Variants in FOXJ3 observed in about 807,000 individuals in gnomAD.
FOXJ3 encodes the protein forkhead box J3.
FOXJ3 carries 22 observed loss-of-function variants against 76.1 expected under a neutral mutation model. The observed-to-expected ratio is 0.29, with a 90% CI of 0.21 to 0.41. The LOEUF (loss-of-function observed/expected upper bound fraction) is 0.41, where lower values mean the gene tolerates loss of function less well. Ranked by LOEUF, FOXJ3 falls within the 10% of genes least tolerant of loss-of-function variation. FOXJ3 has a pLI of 1.00. For missense variants in FOXJ3, 613 were observed against 762.1 expected (o/e 0.80, Z 2.30); for synonymous variants, 269 against 261.2 (o/e 1.03, Z -0.29).
In FOXJ3 at chr1:42,293,374, T is replaced by C. The variant is rs147931204; in HGVS notation, c.45-14702A>G. 7.1e-3 allele frequency among the ~76,000 whole-genome samples: 1,080 copies of C among 151,878 alleles called. 21 individuals are homozygous for C. Among genetic ancestry groups the C allele is most frequent in the African/African-American group, 0.025 (1,043 of 41,462 alleles). On this transcript the variant is annotated intron_variant, in intron 2 of 12. Coordinates refer to ENST00000361346, the MANE Select transcript of FOXJ3 (RefSeq NM_014947.5). ...CCCAGTTTTAAAATGTACAAAAAAT[T>C]TAAACAAGGACATACAAACCCCAAT... is the stretch of plus-strand genomic sequence containing the variant.
chr1:42,324,263 CATAT>C (rs1022097274), intron 1 of FOXJ3, among the ~76,000 whole-genome samples: 28 of 115,844 alleles, frequency 2.4e-4, no homozygotes, highest in African/African-American at 8.3e-4. Flanking sequence ...TATATATACA[CATAT>C]ATACACTATA....
chr1:42,320,041 C>T (rs1025665713), intron 1 of FOXJ3, among the ~76,000 whole-genome samples: 6 of 152,096 alleles, frequency 3.9e-5, no homozygotes, highest in Non-Finnish European at 8.8e-5. Context: ...TCGACTACTT[C>T]GGCTATACTC....
intron 11 of FOXJ3, among the ~76,000 whole-genome samples, chr1:42,184,362 T>C (rs1368238569): frequency 6.6e-6 from 1 of 152,114 alleles, no homozygotes; most frequent in Non-Finnish European, 1.5e-5. Flanking sequence ...GGAGAAAGAA[T>C]TACAGGATTA....
intron 5 of FOXJ3, among the ~76,000 whole-genome samples, chr1:42,219,118 A>G (rs1054314695): frequency 6.6e-6 from 1 of 152,194 alleles, no homozygotes; most frequent in Non-Finnish European, 1.5e-5. Context: ...GTTTCCTGTG[A>G]TCAACTATGG....
chr1:42,323,585 GTCA>G (rs1570256681), intron 1 of FOXJ3: 2 of 367,890 alleles, frequency 5.4e-6, no homozygotes, highest in Non-Finnish European at 7.5e-6. Flanking sequence ...CGAAGCTTTT[GTCA>G]TCATCATAAG....
intron 4 of FOXJ3, among the ~76,000 whole-genome samples, chr1:42,236,207 G>C (rs187052642): frequency 1.6e-4 from 24 of 152,252 alleles, no homozygotes; most frequent in African/African-American, 5.8e-4. Context: ...AAAGGGTGTT[G>C]AGGCAAGGTC....
intron 11 of FOXJ3, among the ~76,000 whole-genome samples, chr1:42,182,397 C>T (rs1429315614): frequency 2.0e-5 from 3 of 152,234 alleles, no homozygotes; most frequent in Non-Finnish European, 4.4e-5. Context: ...TTGTTACACC[C>T]ATTTTACAGA....
intron 3 of FOXJ3, among the ~76,000 whole-genome samples, chr1:42,275,737 G>A (rs978315984): frequency 3.9e-5 from 6 of 152,112 alleles, no homozygotes; most frequent in Non-Finnish European, 5.9e-5. Context: ...ACATAAATTA[G>A]CTAGTACCTC....
chr1:42,264,907 AG>A, intron 4 of FOXJ3: 1 of 488,126 alleles, frequency 2.0e-6, no homozygotes, highest in Non-Finnish European at 3.6e-6. Flanking sequence ...GATTAGAAAC[AG>A]CAAAGTACAA....
At chr1:42,207,238 C>T (rs533283969) in intron 5 of FOXJ3, among the ~76,000 whole-genome samples, 18 of 152,294 alleles carry the variant, frequency 1.2e-4, no homozygotes, top group African/African-American at 4.1e-4. Flanking sequence ...TTTCTATCTT[C>T]ATGTAATCCA....
At chr1:42,226,705 T>C (rs1647602872) in intron 5 of FOXJ3, among the ~76,000 whole-genome samples, 1 of 152,316 alleles carries the variant, frequency 6.6e-6, no homozygotes, top group South Asian at 2.1e-4. Flanking sequence ...AAGTCAAAAG[T>C]TGTTCTGGCC....
intron 1 of FOXJ3, among the ~76,000 whole-genome samples, chr1:42,317,160 T>G (rs1450789358): frequency 3.3e-5 from 5 of 152,198 alleles, no homozygotes; most frequent in African/African-American, 1.2e-4. Flanking sequence ...AAGTATAACA[T>G]TCACTAACAT....
intron 1 of FOXJ3, among the ~76,000 whole-genome samples, chr1:42,330,812 G>A (rs1307545272): frequency 1.3e-5 from 2 of 152,198 alleles, no homozygotes; most frequent in Non-Finnish European, 2.9e-5. Flanking sequence ...AATTACTTAA[G>A]TGTACAACCC....
intron 4 of FOXJ3, 138 bp downstream of exon 4, chr1:42,264,977 T>C (rs1651355688): frequency 4.2e-6 from 3 of 714,396 alleles, no homozygotes; most frequent in Admixed American, 4.5e-5. Flanking sequence ...TAAAACTCTC[T>C]AACAAGCTTT....
At chr1:42,302,071 C>T (rs1654185874) in intron 2 of FOXJ3, among the ~76,000 whole-genome samples, 1 of 152,116 alleles carries the variant, frequency 6.6e-6, no homozygotes, top group South Asian at 2.1e-4. Context: ...CATTAAGTTC[C>T]ATGGTTGTAG....
At chr1:42,301,673 T>C (rs1337925048) in intron 2 of FOXJ3, among the ~76,000 whole-genome samples, 1 of 152,242 alleles carries the variant, frequency 6.6e-6, no homozygotes, top group Non-Finnish European at 1.5e-5. Context: ...CAAAAGATGT[T>C]TGGGTTTATT....
intron 5 of FOXJ3, among the ~76,000 whole-genome samples, chr1:42,220,970 C>T (rs947617780): frequency 1.3e-5 from 2 of 152,158 alleles, no homozygotes; most frequent in Non-Finnish European, 2.9e-5. Context: ...GGACAATAAT[C>T]ATTAATTCAT....
At chr1:42,324,056 CTGTATAT>C in intron 1 of FOXJ3, among the ~76,000 whole-genome samples, 1 of 107,712 alleles carries the variant, frequency 9.3e-6, no homozygotes, top group South Asian at 3.1e-4. Context: ...AGTATATACA[CTGTATAT>C]ACACAGTGTA....
intron 2 of FOXJ3, among the ~76,000 whole-genome samples, chr1:42,298,517 C>T (rs11210617): frequency 0.42 from 63,981 of 151,982 alleles, 16,163 homozygotes; most frequent in Non-Finnish European, 0.55. Flanking sequence ...AGGTGTAATG[C>T]TGTCTTTATC....
Sources: gnomAD v4.1 joint callset for allele counts (sites outside exome capture counted in the v4.1 genomes callset) on GRCh38, gnomAD v4.1.1 for gene constraint, MANE v1.5 for transcripts, NCBI Gene and HGNC (gene_info 2026-07-23, HGNC 2026-07-21) for gene names.